The following PPP2R2D variants were observed in gnomAD, a reference collection of about 807,000 sequenced individuals.
PPP2R2D encodes the protein serine/threonine-protein phosphatase 2A 55 kDa regulatory subunit B delta isoform.
Under a neutral mutation model 31.1 loss-of-function variants are expected in PPP2R2D, and 9 were observed. That is an observed-to-expected ratio of 0.29 (90% CI 0.17 to 0.51). The LOEUF is 0.51. Among genes scored for constraint, PPP2R2D ranks in the 20% least tolerant of loss-of-function variants. PPP2R2D has a pLI of 0.98. For missense variants in PPP2R2D, 391 were observed against 465.6 expected (o/e 0.84, Z 1.48); for synonymous variants, 179 against 172.6 (o/e 1.04, Z -0.29).
intron 2 of PPP2R2D, among the ~76,000 whole-genome samples, chr10:131,913,347 G>C (rs2035715278): frequency 6.6e-6 from 1 of 151,966 alleles, no homozygotes; most frequent in African/African-American, 2.4e-5. Flanking sequence ...AGTTCTTTAT[G>C]CATTATGAAT....
intron 2 of PPP2R2D, among the ~76,000 whole-genome samples, chr10:131,910,549 A>T (rs2035665899): frequency 6.6e-6 from 1 of 152,190 alleles, no homozygotes; most frequent in Non-Finnish European, 1.5e-5. Context: ...CAGATACCAA[A>T]TTCTTAATAA....
chr10:131,903,377 G>A, intron 2 of PPP2R2D, among the ~76,000 whole-genome samples: 1 of 143,828 alleles, frequency 7.0e-6, no homozygotes, highest in East Asian at 2.1e-4. Context: ...TGAGGCAGGA[G>A]AATCACTTGA....
At chr10:131,971,300 A>G in the PPP2R2D span, 1 of 335,890 alleles carries the variant, frequency 3.0e-6, no homozygotes, top group Admixed American at 4.6e-5. Flanking sequence ...ACGTGACATG[A>G]GGGCAAAGAT....
chr10:131,971,233 G>C, the PPP2R2D span: 1 of 479,192 alleles, frequency 2.1e-6, no homozygotes, highest in Non-Finnish European at 3.8e-6. Context: ...AAATACATTT[G>C]GTTCACTGTG....
chr10:131,915,135 C>T (rs1244855430), intron 2 of PPP2R2D, among the ~76,000 whole-genome samples: 1 of 150,952 alleles, frequency 6.6e-6, no homozygotes, highest in Non-Finnish European at 1.5e-5. Flanking sequence ...TCTAGAATGG[C>T]GAAGTAGTAT....
intron 3 of PPP2R2D, among the ~76,000 whole-genome samples, chr10:131,935,920 G>A (rs1007497638): frequency 2.6e-5 from 4 of 151,926 alleles, no homozygotes; most frequent in South Asian, 2.1e-4. Context: ...AAAATTAGCC[G>A]GGTGTGGTGG....
chr10:131,932,757 T>A (rs1360115148), intron 2 of PPP2R2D, among the ~76,000 whole-genome samples: 2 of 152,096 alleles, frequency 1.3e-5, no homozygotes, highest in East Asian at 3.9e-4. Flanking sequence ...TCCATCAGAT[T>A]AATTTGATGT....
chr10:131,945,740 C>A lies in PPP2R2D; in HGVS notation c.820+281C>A. ...TGCTGGGATTACAGGTGTGAGTCAC[C>A]GCACCTGGTCACGCCTGGCGTCTTT... On this transcript the variant is annotated intron_variant, in intron 7 of 8. Coordinates refer to ENST00000455566, the MANE Select transcript of PPP2R2D (RefSeq NM_018461.5). This position sits in a 1 kb window ranked among gnomAD's most constrained non-coding sequence, Gnocchi z 4.8. 1 of 356,650 alleles carries A rather than the reference C, an allele frequency of 2.8e-6. No homozygotes were observed. Among genetic ancestry groups the A allele is most frequent in the Non-Finnish European group, 5.1e-6 (1 of 195,126 alleles). 22.1% of individuals were successfully genotyped at this position (356,650 alleles called of 1,614,324 possible). A position where few individuals can be genotyped will look rare whatever the true frequency, so the allele number is the denominator to read the frequency against.
chr10:131,924,660 T>C (rs1428408121), intron 2 of PPP2R2D, among the ~76,000 whole-genome samples: 5 of 151,718 alleles, frequency 3.3e-5, no homozygotes, highest in African/African-American at 9.7e-5. Context: ...CCCTTGCACT[T>C]CCATATGATT....
intron 2 of PPP2R2D, among the ~76,000 whole-genome samples, chr10:131,916,248 T>C (rs546182805): frequency 6.6e-6 from 1 of 151,880 alleles, no homozygotes; most frequent in South Asian, 2.1e-4. Context: ...CGCATCTATA[T>C]GTCAGCAACT....
chr10:131,955,416 C>G (rs1402352867), intron 8 of PPP2R2D, among the ~76,000 whole-genome samples: 1 of 152,134 alleles, frequency 6.6e-6, no homozygotes, highest in Non-Finnish European at 1.5e-5. Flanking sequence ...GGGGTTGTTT[C>G]AAAAAATACA....
chr10:131,921,311 A>C (rs2035983131), intron 2 of PPP2R2D, among the ~76,000 whole-genome samples: 1 of 152,218 alleles, frequency 6.6e-6, no homozygotes, highest in Non-Finnish European at 1.5e-5. Flanking sequence ...CTCACTTTGC[A>C]GGTGCAGTTG....
chr10:131,923,113 C>T (rs1554894456), intron 2 of PPP2R2D, among the ~76,000 whole-genome samples: 1 of 152,214 alleles, frequency 6.6e-6, no homozygotes, highest in East Asian at 1.9e-4. Context: ...CTTTCCATCA[C>T]CCCTAAAAGA....
chr10:131,938,605 A>G (rs373627820), intron 3 of PPP2R2D, among the ~76,000 whole-genome samples: 2 of 152,202 alleles, frequency 1.3e-5, no homozygotes, highest in Admixed American at 6.5e-5. Context: ...TGAAGATGGC[A>G]TATGTCTTCC....
At position 131,912,873 on chromosome 10, in the gene PPP2R2D, T is replaced by C. The variant is rs966945749; in HGVS notation, c.100+11543T>C. Among the ~76,000 whole-genome samples the C allele has an allele frequency of 2.0e-5, 3 of 152,366 alleles. No individual in the cohort carries two copies. In the South Asian group the frequency reaches 6.2e-4, roughly 32 times the overall value. ...AGAGTCTCGTCCATCCTTCTGCCCT[T>C]CCTGGGTGGCAGACATCCAGGAGTG... On this transcript the variant is annotated intron_variant, in intron 2 of 8. Coordinates refer to ENST00000455566, the MANE Select transcript of PPP2R2D (RefSeq NM_018461.5).
intron 5 of PPP2R2D, among the ~76,000 whole-genome samples, chr10:131,942,617 A>G (rs2036461525): frequency 6.6e-6 from 1 of 152,222 alleles, no homozygotes; most frequent in Non-Finnish European, 1.5e-5. Context: ...CTGTAATCCC[A>G]GCACTTTGGG....
Position 131,916,551 on chromosome 10 carries a change from C to T in PPP2R2D, c.100+15221C>T, listed in dbSNP as rs115284232. Reference sequence around the variant, plus strand: ...CAATAACTCCCCTTCTCCCCTTCCCCGGCCCCTGGCGACCACCATTCTACT... The same window carrying T: ...CAATAACTCCCCTTCTCCCCTTCCCTGGCCCCTGGCGACCACCATTCTACT... On this transcript the variant is annotated intron_variant, in intron 2 of 8. Transcript: ENST00000455566. Among the ~76,000 whole-genome samples the T allele has an allele frequency of 5.5e-3, 836 of 152,210 alleles. 7 individuals carry two copies. Among genetic ancestry groups the T allele is most frequent in the African/African-American group, 0.017 (706 of 41,504 alleles).
the PPP2R2D span, among the ~76,000 whole-genome samples, chr10:131,965,330 T>C: frequency 6.6e-6 from 1 of 152,192 alleles, no homozygotes; most frequent in Admixed American, 6.5e-5. Flanking sequence ...TTCTTAAGGC[T>C]GGGTGGGCCC....
At chr10:131,955,223 T>C (rs2036771605) in intron 8 of PPP2R2D, among the ~76,000 whole-genome samples, 1 of 152,230 alleles carries the variant, frequency 6.6e-6, no homozygotes, top group Non-Finnish European at 1.5e-5. Flanking sequence ...TTGCCTCATT[T>C]GAAAGAAACT....
Sources: gnomAD v4.1 joint callset for allele counts (sites outside exome capture counted in the v4.1 genomes callset) on GRCh38, gnomAD v4.1.1 for gene constraint, Gnocchi (gnomAD v3.1) non-coding constraint, MANE v1.5 for transcripts, NCBI Gene and HGNC (gene_info 2026-07-23, HGNC 2026-07-21) for gene names.